The following FGF13 variants were observed in gnomAD, a reference collection of about 807,000 sequenced individuals.
FGF13 encodes the protein fibroblast growth factor 13, also known as fibroblast growth factor homologous factor 2.
Under a neutral mutation model 19.5 loss-of-function variants are expected in FGF13, and 2 were observed. The ratio of observed to expected loss-of-function variants is 0.10; its 90% CI spans 0.04 to 0.32. The LOEUF is 0.32. FGF13 is among the 10% of genes least tolerant of loss of function. FGF13 has a pLI of 1.00. For missense variants in FGF13, 113 were observed against 192.7 expected, an observed-to-expected ratio of 0.59 and a Z score of 2.45; for synonymous variants, 72 against 76.9, an observed-to-expected ratio of 0.94 and a Z score of 0.33.
intron 1 of FGF13, among the ~76,000 whole-genome samples, chrX:138,889,859 G>C (rs2091468063): frequency 9.0e-6 from 1 of 110,991 alleles, no homozygotes; most frequent in Non-Finnish European, 1.9e-5. Flanking sequence ...AGAGAGGCTA[G>C]ATGTTAGTGT....
downstream of FGF13, among the ~76,000 whole-genome samples, chrX:138,852,731 T>G (rs1278684052): frequency 8.9e-6 from 1 of 111,758 alleles, no homozygotes; most frequent in Non-Finnish European, 1.9e-5. Flanking sequence ...AAAGAGCTTC[T>G]GCACAGCAAA....
intron 1 of FGF13, among the ~76,000 whole-genome samples, chrX:138,946,927 G>A (rs1001460815): frequency 8.9e-6 from 1 of 112,077 alleles, no homozygotes; most frequent in African/African-American, 3.2e-5. Flanking sequence ...AAGAAACAAT[G>A]AACATAAATA....
At chrX:139,046,803 G>A (rs113003573) in intron 1 of FGF13, among the ~76,000 whole-genome samples, 157 of 111,189 alleles carry the variant, frequency 1.4e-3, no homozygotes, top group Non-Finnish European at 2.6e-3. Context: ...CCTGACTAGC[G>A]TGGCTCCTGT....
chrX:139,096,851 A>T lies in FGF13; in HGVS notation c.-113+106565T>A, dbSNP rs184760552. ...TCAAGAACATTCTTATAAGCACTAA[A>T]TTTTTTTAAACTTCCCATTAAGCAA... On this transcript the variant is annotated intron_variant, in intron 1 of 2. Coordinates refer to the FGF13 transcript ENST00000421460. 8.2e-3 allele frequency among the ~76,000 whole-genome samples: 916 copies of T among 111,823 alleles called. 9 individuals carry two copies. Among genetic ancestry groups the T allele is most frequent in the African/African-American group, 0.028 (876 of 30,830 alleles).
At chrX:138,807,341 C>T (rs1167033697) in intron 3 of FGF13, among the ~76,000 whole-genome samples, 1 of 111,426 alleles carries the variant, frequency 9.0e-6, no homozygotes, top group Non-Finnish European at 1.9e-5. Context: ...AGGTAGGAAG[C>T]TAAGCTTCAT....
intron 1 of FGF13, among the ~76,000 whole-genome samples, chrX:138,987,157 A>C (rs936355999): frequency 2.6e-4 from 29 of 112,482 alleles, no homozygotes; most frequent in African/African-American, 9.4e-4. Context: ...ATTTCTCTGA[A>C]GTATAGCACA....
rs59882808 is a variant in FGF13, at chrX:139,099,377, CAAAAAAA to C, written c.-113+104032_-113+104038del. 2.1e-4 allele frequency among the ~76,000 whole-genome samples: 7 copies of C among 32,963 alleles called. No homozygotes were observed. In the East Asian group the frequency reaches 2.7e-3, roughly 13 times the overall value. 28.6% of individuals were successfully genotyped at this position (32,963 alleles called of 115,157 possible). ...AATAGTGGTGAAGAGGTTTCTATCTCAAAAAAAAAAAAAAAAAAAAAGAAAGAAAAGG... is the reference window on the plus strand; with the variant it reads ...AATAGTGGTGAAGAGGTTTCTATCTCAAAAAAAAAAAAAAGAAAGAAAAGG... On this transcript the variant is annotated intron_variant, in intron 1 of 2. Transcript: ENST00000421460.
intron 1 of FGF13, among the ~76,000 whole-genome samples, chrX:139,091,912 C>T (rs1322650219): frequency 2.7e-5 from 3 of 109,816 alleles, no homozygotes; most frequent in South Asian, 4.0e-4. Flanking sequence ...CCTTAGCTGT[C>T]GTAGTCTGAG....
intron 1 of FGF13, among the ~76,000 whole-genome samples, chrX:139,080,259 T>G (rs1001550485): frequency 9.0e-6 from 1 of 111,706 alleles, no homozygotes; most frequent in African/African-American, 3.3e-5. Context: ...TAGGCAAAAA[T>G]TTTTATTCTT....
chrX:139,037,436 A>T (rs1363238834), intron 1 of FGF13, among the ~76,000 whole-genome samples: 1 of 111,270 alleles, frequency 9.0e-6, no homozygotes, highest in African/African-American at 3.3e-5. Flanking sequence ...AAAAAAAAAG[A>T]TTACCATAAA....
chrX:139,086,686 C>T (rs555287595), intron 1 of FGF13, among the ~76,000 whole-genome samples: 8 of 111,758 alleles, frequency 7.2e-5, no homozygotes, highest in African/African-American at 2.6e-4. Flanking sequence ...TATTATGTAT[C>T]CATAATAATT....
At chrX:138,885,746 T>C (rs2124187224) in intron 1 of FGF13, among the ~76,000 whole-genome samples, 1 of 109,479 alleles carries the variant, frequency 9.1e-6, no homozygotes, top group East Asian at 2.9e-4. Context: ...TCTTGAATGT[T>C]AACTCCAACA....
At chrX:138,715,192 T>C (rs2090090246), upstream of FGF13, among the ~76,000 whole-genome samples, 1 of 112,090 alleles carries the variant, frequency 8.9e-6, no homozygotes, top group Non-Finnish European at 1.9e-5. Flanking sequence ...AAAGCATTCT[T>C]AGCTTTTTTT....
chrX:139,045,936 T>G (rs913680004), intron 1 of FGF13, among the ~76,000 whole-genome samples: 1 of 111,988 alleles, frequency 8.9e-6, no homozygotes, highest in African/African-American at 3.3e-5. Flanking sequence ...CTATGCTCGT[T>G]ACCCAGTTCC....
intron 1 of FGF13, among the ~76,000 whole-genome samples, chrX:139,187,265 G>A (rs750800176): frequency 8.9e-6 from 1 of 112,911 alleles, no homozygotes; most frequent in South Asian, 3.6e-4. Context: ...ATAGTTGGAA[G>A]TCAGAAATGA....
intron 1 of FGF13, among the ~76,000 whole-genome samples, chrX:138,867,817 CT>C (rs201053968): frequency 3.9e-5 from 4 of 102,496 alleles, no homozygotes; most frequent in South Asian, 4.4e-4. Context: ...ATCTATCTAT[CT>C]ATCTATCTAT....
chrX:139,013,597 T>A (rs1369679996), intron 1 of FGF13, among the ~76,000 whole-genome samples: 1 of 103,085 alleles, frequency 9.7e-6, no homozygotes, highest in East Asian at 3.1e-4. Context: ...CTTGATGGAA[T>A]TGGAGACTAT....
At chrX:139,173,291 G>A (rs1260672440) in intron 1 of FGF13, among the ~76,000 whole-genome samples, 1 of 110,760 alleles carries the variant, frequency 9.0e-6, no homozygotes, top group African/African-American at 3.3e-5. Flanking sequence ...AACCTCCCTG[G>A]CTCTAAACTG....
At chrX:138,649,017 TTG>T (rs2089337442) in intron 3 of FGF13, among the ~76,000 whole-genome samples, 1 of 112,165 alleles carries the variant, frequency 8.9e-6, no homozygotes. Flanking sequence ...GGCAAATATG[TTG>T]TATATATTAC....
Sources: allele counts gnomAD v4.1 joint callset (sites outside exome capture counted in the v4.1 genomes callset), GRCh38; gene constraint gnomAD v4.1.1; transcripts MANE v1.5; gene names NCBI Gene and HGNC (gene_info 2026-07-23, HGNC 2026-07-21).